SMARCE1: variants seen among roughly 807,000 people sequenced by gnomAD.
SMARCE1 encodes the protein SWI/SNF related BAF chromatin remodeling complex subunit E1.
Under a neutral mutation model 54.9 loss-of-function variants are expected in SMARCE1, and 13 were observed. That is an observed-to-expected ratio of 0.24 (90% CI 0.15 to 0.38). The LOEUF (loss-of-function observed/expected upper bound fraction) is 0.38. Ranked by LOEUF, SMARCE1 falls within the 10% of genes least tolerant of loss-of-function variation. SMARCE1 has a pLI of 1.00. For missense variants in SMARCE1, 295 were observed against 523.8 expected, an observed-to-expected ratio of 0.56 and a Z score of 4.26; for synonymous variants, 151 against 175.3, an observed-to-expected ratio of 0.86 and a Z score of 1.10.
rs543475237 is a variant in SMARCE1 at position 40,630,195 on chromosome 17, TA to T, written c.1027+518del. ...AAGTTTTATTTATACAAGTTATTAT[TA>T]TTATTTTTTACCTTGAGGGATGCTT... On this transcript the variant is annotated intron_variant, in intron 10 of 10. Transcript: ENST00000348513. The T allele has an allele frequency of 1.6e-4, 191 of 1,207,352 alleles. No individual in the cohort carries two copies. The African/African-American group carries it at 1.6e-3, about 10-fold the overall frequency. 74.8% of individuals were successfully genotyped at this position (1,207,352 alleles called of 1,614,324 possible).
intron 7 of SMARCE1, chr17:40,633,307 C>T (rs1172854621): frequency 6.6e-6 from 1 of 152,096 alleles, no homozygotes; most frequent in Non-Finnish European, 1.5e-5. Flanking sequence ...ACTGCACACA[C>T]ACTACAGGCT....
At chr17:40,643,962 T>C (rs752322729) in intron 3 of SMARCE1, 10 of 154,788 alleles carry the variant, frequency 6.5e-5, no homozygotes, top group Non-Finnish European at 1.4e-4. Flanking sequence ...GAGGTGATAG[T>C]GGTGATAGTG....
rs1308966436 is a variant in SMARCE1 at position 40,628,022 on chromosome 17, A to G, written c.*763T>C. Reference sequence around the variant, plus strand: ...ATCTAGTCCATTACAAGAATATTAAATTCCTTGAGCTTTGTGATCTATTCT... The same window carrying G: ...ATCTAGTCCATTACAAGAATATTAAGTTCCTTGAGCTTTGTGATCTATTCT... On this transcript the variant is annotated 3_prime_UTR_variant, in exon 11 of 11. Transcript: ENST00000348513. The G allele has an allele frequency of 6.6e-6, 1 of 152,648 alleles. No homozygotes were observed. The highest frequency in any genetic ancestry group is 6.5e-5 in the Admixed American group (1 of 15,290). 9.5% of individuals were successfully genotyped at this position (152,648 alleles called of 1,614,324 possible). A position where few individuals can be genotyped will look rare whatever the true frequency, so the allele number is the denominator to read the frequency against.
Position 40,631,695 on chromosome 17 carries a change from T to C in SMARCE1, c.715-2A>G. The C allele has an allele frequency of 6.4e-7, 1 of 1,554,780 alleles. No homozygotes were observed. Among genetic ancestry groups the C allele is most frequent in the Non-Finnish European group, 8.9e-7 (1 of 1,126,424 alleles). ...AAGAAGTTCAGCTTCTAGTTTTCGC[T>C]GCAAGACAGGATCAGGCTTCATAAT... On this transcript the variant is annotated splice_acceptor_variant, in intron 8 of 10. Coordinates refer to ENST00000348513, the MANE Select transcript of SMARCE1 (RefSeq NM_003079.5). LOFTEE classifies it high-confidence loss of function.
chr17:40,640,868 TG>T (rs958647755), intron 4 of SMARCE1: 1 of 152,206 alleles, frequency 6.6e-6, no homozygotes, highest in Non-Finnish European at 1.5e-5. Flanking sequence ...CAAGAAGGAA[TG>T]GGAAGAAACA....
At chr17:40,637,759 TA>T (rs1418444069) in intron 4 of SMARCE1, 187 bp from the exon 5 acceptor site, 1 of 578,486 alleles carries the variant, frequency 1.7e-6, no homozygotes, top group African/African-American at 1.9e-5. Context: ...ACATAATTTT[TA>T]AATGTTTTAC....
rs1420801996 is a variant in SMARCE1 at position 40,625,358 on chromosome 17, C to T, written c.*3427G>A. On this transcript the variant is annotated 3_prime_UTR_variant, in exon 11 of 11. Transcript: ENST00000348513. ...GAGTTCCTTTGAGCTTGTTATTGTA[C>T]AGTGGATTTTTCATTTGCAAAGACG... 1 of 152,182 alleles carries T rather than the reference C, an allele frequency of 6.6e-6. No homozygotes were observed. Among genetic ancestry groups the T allele is most frequent in the Non-Finnish European group, 1.5e-5 (1 of 68,036 alleles). 9.4% of individuals were successfully genotyped at this position (152,182 alleles called of 1,614,324 possible). A position where few individuals can be genotyped will look rare whatever the true frequency, so the allele number is the denominator to read the frequency against.
intron 4 of SMARCE1, chr17:40,641,529 G>T (rs1390620758): frequency 6.6e-6 from 1 of 152,062 alleles, no homozygotes; most frequent in South Asian, 2.1e-4. Context: ...ATTAATAGAA[G>T]GCACTTGTTA....
rs1314554797 is a variant in SMARCE1 at position 40,628,876 on chromosome 17, G to A, written c.1145C>T (p.Thr382Ile). 2 of 1,613,680 alleles carry A rather than the reference G, an allele frequency of 1.2e-6. No homozygotes were observed. The highest frequency in any genetic ancestry group is 2.7e-5 in the African/African-American group (2 of 74,900). Residue 382 changes from threonine to isoleucine, a missense_variant, in exon 11 of 11, where the codon ACC becomes ATC. Coordinates refer to ENST00000348513, the MANE Select transcript of SMARCE1 (RefSeq NM_003079.5). Reference sequence around the variant, plus strand: ...CTCCGAGCCAGTGTTACTATCACTGGTTCCTTCCTCTGCCATACTGTCGAC... The same window carrying A: ...CTCCGAGCCAGTGTTACTATCACTGATTCCTTCCTCTGCCATACTGTCGAC... ...EGVDSMAEEG[T>I]SDSNTGSESN...
intron 3 of SMARCE1, chr17:40,644,242 C>T (rs1597751116): frequency 6.6e-6 from 1 of 151,580 alleles, no homozygotes; most frequent in Non-Finnish European, 1.5e-5. Context: ...GATGCATTGT[C>T]AGAGGCAGTA....
intron 7 of SMARCE1, 73 bp from the exon 8 acceptor site, chr17:40,632,440 TA>T: frequency 7.5e-7 from 1 of 1,335,042 alleles, no homozygotes; most frequent in Non-Finnish European, 1.1e-6. Context: ...TGTTAACACT[TA>T]ATTACCAACG....
rs528548325 is a variant in SMARCE1, at chr17:40,633,563, G to A, written c.542-1196C>T. The stretch of plus-strand genomic sequence containing the variant: ...GAGGAACCACACTTAAGAAAACCTT[G>A]TTACAGGGGAAACCCTGTTACAGAG... On this transcript the variant is annotated intron_variant, in intron 7 of 10. Coordinates refer to ENST00000348513, the MANE Select transcript of SMARCE1 (RefSeq NM_003079.5). 9 of 152,266 alleles carry A rather than the reference G, an allele frequency of 5.9e-5. No individual in the cohort carries two copies. In the East Asian group the frequency reaches 1.5e-3, roughly 26 times the overall value. The allele number at this position is 152,266 out of a possible 1,614,324, so 9.4% of individuals were successfully genotyped here.
At chr17:40,645,454 TTC>T in intron 3 of SMARCE1, 120 bp downstream of exon 3, 1 of 561,642 alleles carries the variant, frequency 1.8e-6, no homozygotes. Flanking sequence ...TTTTTTTTTT[TTC>T]TTTTAAGCTG....
At position 40,635,988 on chromosome 17, in the gene SMARCE1, A is replaced by T. The variant is rs878854602; in HGVS notation, c.484T>A (p.Ser162Thr). The T allele has an allele frequency of 3.1e-6, 5 of 1,613,512 alleles. No homozygotes were observed. The South Asian group carries it at 5.5e-5, about 18-fold the overall frequency. ...ALEEESRQRQSRMEKGEPYMS... is the reference protein window; with the variant it reads ...ALEEESRQRQTRMEKGEPYMS... ...TACGGTTCTCCTTTCTCCATGCGAGATTGTCTCTGTCGACTTTCTTCCTCT... is the reference window on the plus strand; with the variant it reads ...TACGGTTCTCCTTTCTCCATGCGAGTTTGTCTCTGTCGACTTTCTTCCTCT... The change falls in exon 7 of 11, where the codon TCT becomes ACT. Residue 162 changes from serine (S) to threonine (T), a missense_variant. Physicochemically the swap from Ser to Thr is moderately conservative, Grantham distance 58 (BLOSUM62 1). Transcript: ENST00000348513.
rs987241086 is a variant in SMARCE1, at chr17:40,632,657, C to T, written c.542-290G>A. The T allele has an allele frequency of 9.5e-5, 29 of 305,760 alleles. No homozygotes were observed. In the South Asian group the frequency reaches 1.4e-3, roughly 15 times the overall value. The allele number at this position is 305,760 out of a possible 1,614,324, so 18.9% of individuals were successfully genotyped here. A position where few individuals can be genotyped will look rare whatever the true frequency, so the allele number is the denominator to read the frequency against. ...AGATACAACATGTCTCTTCTGGCTTCGGAATCAATGTGAAGGCTGTATGTG... is the reference window on the plus strand; with the variant it reads ...AGATACAACATGTCTCTTCTGGCTTTGGAATCAATGTGAAGGCTGTATGTG... On this transcript the variant is annotated intron_variant, in intron 7 of 10. Transcript: ENST00000348513.
chr17:40,627,529 C>T lies in SMARCE1; in HGVS notation c.*1256G>A, dbSNP rs570640861. ...TATAATGTAAGAAAACTGATTTTCA[C>T]AAGTGTCTTGTACAAATAAGCTACT... is the stretch of plus-strand genomic sequence containing the variant. On this transcript the variant is annotated 3_prime_UTR_variant, in exon 11 of 11. Transcript: ENST00000348513. 7 of 152,412 alleles carry T rather than the reference C, an allele frequency of 4.6e-5. No individual in the cohort carries two copies. Among genetic ancestry groups the T allele is most frequent in the Admixed American group, 1.3e-4 (2 of 15,304 alleles). The allele number at this position is 152,412 out of a possible 1,614,324, so 9.4% of individuals were successfully genotyped here. A position where few individuals can be genotyped will look rare whatever the true frequency, so the allele number is the denominator to read the frequency against.
intron 7 of SMARCE1, chr17:40,635,041 T>C (rs2037132220): frequency 6.6e-6 from 1 of 152,112 alleles, no homozygotes; most frequent in Non-Finnish European, 1.5e-5. Context: ...CTTCTGTTTT[T>C]CCCCACTTTT....
intron 10 of SMARCE1, 69 bp from the exon 11 acceptor site, chr17:40,629,062 A>G (rs1370272871): frequency 7.6e-7 from 1 of 1,319,668 alleles, no homozygotes; most frequent in African/African-American, 1.4e-5. Context: ...GACAGTATAC[A>G]GCTGTGCTGT....
intron 5 of SMARCE1, chr17:40,637,080 C>CCATAAGCT (rs2037153847): frequency 6.5e-6 from 1 of 152,968 alleles, no homozygotes; most frequent in Non-Finnish European, 1.4e-5. Flanking sequence ...ATAAAAACTA[C>CCATAAGCT]CATAAGCTTA....
Sources: allele counts gnomAD v4.1 joint callset, GRCh38; gene constraint gnomAD v4.1.1; transcripts MANE v1.5; gene names NCBI Gene and HGNC (gene_info 2026-07-23, HGNC 2026-07-21).